The following NELL1 variants were observed in gnomAD, a reference collection of about 807,000 sequenced individuals.
NELL1 encodes the protein protein kinase C-binding protein NELL1.
Under a neutral mutation model 107.4 loss-of-function variants are expected in NELL1, and 76 were observed. That is an observed-to-expected ratio of 0.71 (90% CI 0.59 to 0.86). The LOEUF (loss-of-function observed/expected upper bound fraction) is 0.86. NELL1 is among the 40% of genes least tolerant of loss of function. The probability of loss-of-function intolerance (pLI) is 0.00; values close to 1 mark genes in which losing one functional copy is unlikely to be tolerated. For synonymous variants in NELL1, 353 were observed against 341.2 expected, an observed-to-expected ratio of 1.03 and a Z score of -0.38; for missense variants, 1,024 against 1,005.5, an observed-to-expected ratio of 1.02 and a Z score of -0.25.
chr11:21,235,422 G>A (rs548515636), intron 14 of NELL1, among the ~76,000 whole-genome samples: 9 of 152,086 alleles, frequency 5.9e-5, no homozygotes, highest in South Asian at 2.1e-4. Context: ...GCTTAGGGTC[G>A]GACTCAATCA....
In NELL1 at chr11:21,507,131, C is replaced by G. The variant is rs540179573; in HGVS notation, c.1646-27243C>G. 6.8e-4 allele frequency among the ~76,000 whole-genome samples: 103 copies of G among 152,306 alleles called. 1 individual carries two copies. The Middle Eastern group carries it at 0.014, about 20-fold the overall frequency. ...CTTTGGAAGAAGGAATGTCAGAATTCAAACTCAAGACTGCTGAACTCCTTC... is the reference window on the plus strand; with the variant it reads ...CTTTGGAAGAAGGAATGTCAGAATTGAAACTCAAGACTGCTGAACTCCTTC... On this transcript the variant is annotated intron_variant, in intron 15 of 19. Transcript: ENST00000357134.
At chr11:20,808,548 G>C (rs1564917436) in intron 3 of NELL1, among the ~76,000 whole-genome samples, 1 of 152,348 alleles carries the variant, frequency 6.6e-6, no homozygotes, top group Non-Finnish European at 1.5e-5. Context: ...ATGGCCCCCA[G>C]GTTAGCTGGC....
intron 15 of NELL1, among the ~76,000 whole-genome samples, chr11:21,466,435 G>A (rs191137151): frequency 1.3e-5 from 2 of 152,274 alleles, no homozygotes; most frequent in Admixed American, 6.5e-5. Flanking sequence ...TGTGACAGAT[G>A]ACTGGGGCAT....
At chr11:21,061,801 C>T (rs1257832444) in intron 12 of NELL1, among the ~76,000 whole-genome samples, 2 of 152,164 alleles carry the variant, frequency 1.3e-5, no homozygotes, top group Non-Finnish European at 2.9e-5. Context: ...TTCTTTCTCA[C>T]TCACGTCTCC....
At chr11:21,564,233 T>C (rs565584490) in intron 17 of NELL1, among the ~76,000 whole-genome samples, 4 of 151,938 alleles carry the variant, frequency 2.6e-5, no homozygotes, top group African/African-American at 9.6e-5. Context: ...GAGGTAAAGG[T>C]TCAGAGGAGT....
intron 12 of NELL1, among the ~76,000 whole-genome samples, chr11:21,070,574 A>G (rs1355507878): frequency 6.6e-6 from 1 of 152,180 alleles, no homozygotes; most frequent in African/African-American, 2.4e-5. Flanking sequence ...GCAAAAAAAT[A>G]CATTAATACA....
chr11:21,418,635 T>C (rs1217264686), intron 15 of NELL1, among the ~76,000 whole-genome samples: 2 of 152,052 alleles, frequency 1.3e-5, no homozygotes, highest in East Asian at 1.9e-4. Context: ...CCACCACTTA[T>C]TAATACTTTC....
chr11:21,472,339 T>C (rs1488840468), intron 15 of NELL1, among the ~76,000 whole-genome samples: 1 of 151,996 alleles, frequency 6.6e-6, no homozygotes. Flanking sequence ...CGAGATGCTG[T>C]TTGCTTGCTT....
At chr11:20,738,849 A>G (rs1855822499) in intron 2 of NELL1, among the ~76,000 whole-genome samples, 2 of 152,100 alleles carry the variant, frequency 1.3e-5, no homozygotes, top group Non-Finnish European at 2.9e-5. Context: ...TTGGTCTTTA[A>G]CCCCAGGAAG....
chr11:21,196,814 A>C (rs1277653733), intron 13 of NELL1, among the ~76,000 whole-genome samples: 1 of 152,004 alleles, frequency 6.6e-6, no homozygotes, highest in African/African-American at 2.4e-5. Flanking sequence ...CTTAAGAGGT[A>C]CATCACAAAT....
At chr11:20,887,755 G>A (rs10766740) in intron 5 of NELL1, among the ~76,000 whole-genome samples, 94,423 of 152,014 alleles carry the variant, frequency 0.62, 31,781 homozygotes, top group Non-Finnish European at 0.77. Flanking sequence ...TATTAAAGTG[G>A]CCCTGGATTA....
At chr11:21,535,724 TTA>T (rs1267491674) in intron 16 of NELL1, among the ~76,000 whole-genome samples, 2 of 152,164 alleles carry the variant, frequency 1.3e-5, no homozygotes, top group Admixed American at 6.6e-5. Context: ...GAAATAATGT[TTA>T]TATGTTTTTG....
intron 13 of NELL1, among the ~76,000 whole-genome samples, chr11:21,160,520 C>T (rs1255837628): frequency 6.6e-6 from 1 of 152,060 alleles, no homozygotes; most frequent in East Asian, 1.9e-4. Context: ...ACAAGATTTT[C>T]CTAGCTATGT....
rs189811768 is a variant in NELL1 at position 21,333,872 on chromosome 11, A to C, written c.1550-36981A>C. ...CAAAGGAAGTCTGTGGTAGAATTTT[A>C]CTGGAATTGGAGTTGGTATCACTGA... On this transcript the variant is annotated intron_variant, in intron 14 of 19. Coordinates refer to ENST00000357134, the MANE Select transcript of NELL1 (RefSeq NM_006157.5). Among the ~76,000 whole-genome samples the C allele has an allele frequency of 1.4e-3, 217 of 152,126 alleles. 2 individuals carry two copies. The highest frequency in any genetic ancestry group is 5.1e-3 in the African/African-American group (212 of 41,550).
chr11:20,976,695 T>G (rs1851642935), intron 12 of NELL1, among the ~76,000 whole-genome samples: 1 of 152,188 alleles, frequency 6.6e-6, no homozygotes, highest in African/African-American at 2.4e-5. Context: ...CACATGAAAC[T>G]TAATATCATT....
At chr11:21,411,423 ATATT>A (rs1457117866) in intron 15 of NELL1, among the ~76,000 whole-genome samples, 2 of 152,062 alleles carry the variant, frequency 1.3e-5, no homozygotes, top group Non-Finnish European at 2.9e-5. Flanking sequence ...TCACACCTCT[ATATT>A]AATGTGTGTC....
intron 15 of NELL1, among the ~76,000 whole-genome samples, chr11:21,410,138 T>C (rs1244011125): frequency 6.6e-6 from 1 of 152,028 alleles, no homozygotes; most frequent in East Asian, 1.9e-4. Context: ...TGGGACATTG[T>C]TTTTCCTGAC....
chr11:21,340,567 A>G (rs1157625901), intron 14 of NELL1, among the ~76,000 whole-genome samples: 3 of 139,064 alleles, frequency 2.2e-5, no homozygotes, highest in Non-Finnish European at 3.1e-5. Context: ...ATTAGTTAAG[A>G]TGAGGGCATA....
chr11:21,409,520 A>G (rs1852323162), intron 15 of NELL1, among the ~76,000 whole-genome samples: 1 of 152,040 alleles, frequency 6.6e-6, no homozygotes, highest in African/African-American at 2.4e-5. Context: ...AGTATGGCAC[A>G]TGTATACATA....
Sources: gnomAD v4.1 joint callset for allele counts (sites outside exome capture counted in the v4.1 genomes callset) on GRCh38, gnomAD v4.1.1 for gene constraint, MANE v1.5 for transcripts, NCBI Gene and HGNC (gene_info 2026-07-23, HGNC 2026-07-21) for gene names.